MAD1L1: variants seen among roughly 807,000 people sequenced by gnomAD.
The protein encoded by MAD1L1 is mitotic arrest deficient 1 like 1.
A neutral mutation model predicts 96.9 loss-of-function variants in MAD1L1; 95 were observed. The ratio of observed to expected loss-of-function variants is 0.98; its 90% CI spans 0.83 to 1.16. MAD1L1 has a LOEUF of 1.16. Among genes scored for constraint, MAD1L1 ranks in the 50% most tolerant of loss-of-function variants. MAD1L1 has a pLI of 0.00. For synonymous variants in MAD1L1, 473 were observed against 396.6 expected, an observed-to-expected ratio of 1.19 and a Z score of -2.29; for missense variants, 1,007 against 954.4, an observed-to-expected ratio of 1.06 and a Z score of -0.73.
At chr7:2,113,119 C>T (rs946398198) in intron 11 of MAD1L1, among the ~76,000 whole-genome samples, 1 of 145,048 alleles carries the variant, frequency 6.9e-6, no homozygotes, top group Admixed American at 7.0e-5. Context: ...CTCAGCAAAG[C>T]GTCCCACTCA....
intron 13 of MAD1L1, among the ~76,000 whole-genome samples, chr7:2,012,740 A>G (rs1782359813): frequency 6.6e-6 from 1 of 152,220 alleles, no homozygotes; most frequent in Admixed American, 6.5e-5. Flanking sequence ...GACACGGCAT[A>G]GTTCCAGGGC....
At chr7:2,144,887 G>A (rs995080635) in intron 11 of MAD1L1, among the ~76,000 whole-genome samples, 1 of 152,158 alleles carries the variant, frequency 6.6e-6, no homozygotes, top group Admixed American at 6.5e-5. Context: ...TGAAGCTCCT[G>A]CTCCAAGGTA....
chr7:2,128,156 TG>T (rs1455626328), intron 11 of MAD1L1, among the ~76,000 whole-genome samples: 5 of 152,140 alleles, frequency 3.3e-5, no homozygotes, highest in Admixed American at 6.5e-5. Flanking sequence ...TAAATTAACA[TG>T]GTTCTCATGA....
rs1792870050 is a variant in MAD1L1, at chr7:2,210,471, ACCG to A, written c.986+2738_986+2740del. Among the ~76,000 whole-genome samples, 8 of 128,742 alleles carry A rather than the reference ACCG, an allele frequency of 6.2e-5. 1 individual carries two copies. Among genetic ancestry groups the A allele is most frequent in the Non-Finnish European group, 1.1e-4 (6 of 56,530 alleles). The allele number at this position is 128,742 out of a possible 152,430, so 84.5% of individuals were successfully genotyped here. On this transcript the variant is annotated intron_variant, in intron 10 of 18. Coordinates refer to ENST00000265854, the MANE Select transcript of MAD1L1 (RefSeq NM_001013836.2). ...GGACTCTCTAGGAGCCGTATTCGGG[ACCG>A]CCAGCCCGCATTCCCGTGGACTCTC...
At chr7:2,120,467 C>A (rs1787921919) in intron 11 of MAD1L1, among the ~76,000 whole-genome samples, 1 of 152,244 alleles carries the variant, frequency 6.6e-6, no homozygotes, top group South Asian at 2.1e-4. Flanking sequence ...ACCCTGCAAT[C>A]TGCACGGCTT....
intron 14 of MAD1L1, among the ~76,000 whole-genome samples, chr7:1,990,121 G>A (rs1781341895): frequency 6.6e-6 from 1 of 152,216 alleles, no homozygotes; most frequent in Non-Finnish European, 1.5e-5. Context: ...TGCACCCGCC[G>A]CCTCATCGCC....
rs1378960624 is a variant in MAD1L1, at chr7:1,898,408, G to A, written c.1808-18C>T. The A allele has an allele frequency of 1.9e-6, 3 of 1,610,942 alleles. No individual in the cohort carries two copies. Among genetic ancestry groups the A allele is most frequent in the Non-Finnish European group, 2.5e-6 (3 of 1,177,928 alleles). ...CTTCAGCTCTGCGGGAGGGACGGAA[G>A]GAGACAGTGAGTGCGGCACCAGGCC... is the stretch of plus-strand genomic sequence containing the variant. On this transcript the variant is annotated intron_variant, in intron 17 of 18. Coordinates refer to ENST00000265854, the MANE Select transcript of MAD1L1 (RefSeq NM_001013836.2).
At chr7:2,183,275 A>T (rs1562349339) in intron 10 of MAD1L1, among the ~76,000 whole-genome samples, 1 of 152,194 alleles carries the variant, frequency 6.6e-6, no homozygotes, top group African/African-American at 2.4e-5. Context: ...TTAATAATTT[A>T]AAAACTAAAG....
Position 2,110,597 on chromosome 7 carries a change from T to C in MAD1L1, c.1073+38555A>G, listed in dbSNP as rs565060729. On this transcript the variant is annotated intron_variant, in intron 11 of 18. Transcript: ENST00000265854. ...AGACGTGCGGCAGATGAAGGCCTCC[T>C]TCCCATCCTCAACACAGCCAAGTCA... Among the ~76,000 whole-genome samples the C allele has an allele frequency of 8.7e-4, 132 of 152,322 alleles. 1 individual carries two copies. The highest frequency in any genetic ancestry group is 2.9e-3 in the African/African-American group (122 of 41,568).
intron 14 of MAD1L1, among the ~76,000 whole-genome samples, chr7:1,993,721 T>A (rs1237242510): frequency 2.0e-5 from 3 of 152,204 alleles, no homozygotes; most frequent in African/African-American, 7.2e-5. Flanking sequence ...GGTAACGACA[T>A]TAAATCACCA....
chr7:1,846,199 C>T (rs1370327997), intron 18 of MAD1L1: 1 of 152,596 alleles, frequency 6.6e-6, no homozygotes, highest in Admixed American at 6.5e-5. Context: ...GCTGCCCTTC[C>T]CGCAGGGCCA....
At chr7:1,920,766 C>G (rs961687968) in intron 17 of MAD1L1, among the ~76,000 whole-genome samples, 3 of 152,248 alleles carry the variant, frequency 2.0e-5, no homozygotes, top group East Asian at 1.9e-4. Flanking sequence ...CCCAAATACC[C>G]CTGTGTGGCC....
rs116049114 is a variant in MAD1L1, at chr7:2,144,908, G to A, written c.1073+4244C>T. 8.6e-3 allele frequency among the ~76,000 whole-genome samples: 1,307 copies of A among 152,256 alleles called. 18 individuals are homozygous for A. The highest frequency in any genetic ancestry group is 0.03 in the African/African-American group (1,235 of 41,552). Reference sequence around the variant, plus strand: ...TCCTGCTCCAAGGTAAAGAGGCCCAGGATCTCTGACACGCTCTGCTCACAC... The same window carrying A: ...TCCTGCTCCAAGGTAAAGAGGCCCAAGATCTCTGACACGCTCTGCTCACAC... On this transcript the variant is annotated intron_variant, in intron 11 of 18. Transcript: ENST00000265854.
At chr7:2,210,880 C>G (rs938893949) in intron 10 of MAD1L1, among the ~76,000 whole-genome samples, 1 of 117,096 alleles carries the variant, frequency 8.5e-6, no homozygotes, top group African/African-American at 6.6e-5. Flanking sequence ...CTCGCACCAG[C>G]CCCTCTCCAA....
intron 16 of MAD1L1, among the ~76,000 whole-genome samples, chr7:1,938,789 G>A (rs986828371): frequency 4.5e-4 from 58 of 129,454 alleles, no homozygotes; most frequent in African/African-American, 1.6e-3. Flanking sequence ...CAGAGACCAG[G>A]ACTGGGACCA....
chr7:2,219,663 G>T (rs1246178878), intron 5 of MAD1L1, among the ~76,000 whole-genome samples: 1 of 137,726 alleles, frequency 7.3e-6, no homozygotes, highest in African/African-American at 2.6e-5. Flanking sequence ...AGATGGCAAG[G>T]GGGCAAGGGG....
Position 2,103,244 on chromosome 7 carries a change from G to A in MAD1L1, c.1074-33906C>T, listed in dbSNP as rs908399113. ...GTGTCCAGAGGGAGGCCGTCCATCC[G>A]GCCACGCTGAGGGCCGGGTCGCAGC... On this transcript the variant is annotated intron_variant, in intron 11 of 18. Coordinates refer to ENST00000265854, the MANE Select transcript of MAD1L1 (RefSeq NM_001013836.2). The surrounding 1 kb of genome is among the most constrained non-coding windows in gnomAD (Gnocchi z 4.3). 2.6e-5 allele frequency among the ~76,000 whole-genome samples: 4 copies of A among 152,166 alleles called. No homozygotes were observed. Among genetic ancestry groups the A allele is most frequent in the South Asian group, 2.1e-4 (1 of 4,830 alleles).
At chr7:2,207,077 CAAAAA>C (rs201353849) in intron 10 of MAD1L1, among the ~76,000 whole-genome samples, 2 of 56,088 alleles carry the variant, frequency 3.6e-5, no homozygotes, top group African/African-American at 6.9e-5. Flanking sequence ...GATTCCGTCT[CAAAAA>C]AAAAAAAAAA....
chr7:1,987,663 CCCGCACGGCAGGGCCACGG>C (rs973335316), intron 14 of MAD1L1, among the ~76,000 whole-genome samples: 1 of 152,328 alleles, frequency 6.6e-6, no homozygotes, highest in African/African-American at 2.4e-5. Context: ...AGCCGCCGGG[CCCGCACGGCAGGGCCACGG>C]CCGCCCGGCA....
Sources: allele counts gnomAD v4.1 joint callset (sites outside exome capture counted in the v4.1 genomes callset), GRCh38; gene constraint gnomAD v4.1.1; non-coding constraint Gnocchi (gnomAD v3.1); transcripts MANE v1.5; gene names NCBI Gene and HGNC (gene_info 2026-07-23, HGNC 2026-07-21).